Variants in KIF13B observed in about 807,000 individuals in gnomAD.
KIF13B encodes kinesin-like protein KIF13B.
A neutral mutation model predicts 222.0 loss-of-function variants in KIF13B; 127 were observed. That is an observed-to-expected ratio of 0.57 (90% CI 0.50 to 0.66). The LOEUF (loss-of-function observed/expected upper bound fraction) is 0.66. Ranked by LOEUF, KIF13B falls within the 30% of genes least tolerant of loss-of-function variation. The probability of loss-of-function intolerance (pLI) is 0.00; values close to 1 mark genes in which losing one functional copy is unlikely to be tolerated. For missense variants in KIF13B, 2,173 were observed against 2,379.0 expected (o/e 0.91, Z 1.80); for synonymous variants, 976 against 919.0 (o/e 1.06, Z -1.12).
At chr8:29,123,014 CA>C (rs1809945079) in intron 28 of KIF13B, among the ~76,000 whole-genome samples, 2 of 152,166 alleles carry the variant, frequency 1.3e-5, no homozygotes, top group African/African-American at 4.8e-5. Flanking sequence ...GCACCAAAAC[CA>C]AAATCGCGTG....
intron 37 of KIF13B, among the ~76,000 whole-genome samples, chr8:29,079,142 A>C (rs1303371197): frequency 2.0e-5 from 3 of 152,226 alleles, no homozygotes; most frequent in African/African-American, 4.8e-5. Context: ...TAGGCCACTC[A>C]GAATTCCCTC....
chr8:29,171,188 A>AAG (rs1162502850), intron 10 of KIF13B, among the ~76,000 whole-genome samples: 2 of 152,242 alleles, frequency 1.3e-5, no homozygotes, highest in Admixed American at 1.3e-4. Flanking sequence ...ACTTCACGTT[A>AAG]AGAGGCCCAC....
At chr8:29,117,501 C>T (rs1394318964) in intron 30 of KIF13B, among the ~76,000 whole-genome samples, 1 of 152,216 alleles carries the variant, frequency 6.6e-6, no homozygotes, top group Admixed American at 6.5e-5. Context: ...GAACCACACA[C>T]TGCCTTTAGT....
At chr8:29,103,370 C>G (rs747275497) in intron 35 of KIF13B, among the ~76,000 whole-genome samples, 1 of 152,058 alleles carries the variant, frequency 6.6e-6, no homozygotes, top group Non-Finnish European at 1.5e-5. Flanking sequence ...AACGACACGC[C>G]GAAATTCATC....
intron 2 of KIF13B, among the ~76,000 whole-genome samples, chr8:29,200,243 T>A (rs189227850): frequency 1.3e-3 from 194 of 152,232 alleles, no homozygotes; most frequent in African/African-American, 3.5e-3. Flanking sequence ...ATAAATAAAT[T>A]AATTAATTAA....
At chr8:29,078,249 A>AGT (rs1212778225) in intron 37 of KIF13B, among the ~76,000 whole-genome samples, 1 of 150,500 alleles carries the variant, frequency 6.6e-6, no homozygotes, top group Admixed American at 6.6e-5. Flanking sequence ...GAGCCAAGAT[A>AGT]GTGCCATTGC....
In KIF13B at chr8:29,160,858, T is replaced by A. The variant is rs1328983825; in HGVS notation, c.1279A>T (p.Lys427Ter). 6.2e-7 allele frequency: 1 copy of A among 1,613,302 alleles called. No individual in the cohort carries two copies. The highest frequency in any genetic ancestry group is 1.3e-5 in the African/African-American group (1 of 74,908). The change falls in exon 13 of 40, where the codon AAA (lysine) becomes TAA (stop). Residue 427 changes from lysine (K) to a stop codon, truncating the protein, a stop_gained. Coordinates refer to ENST00000524189, the MANE Select transcript of KIF13B (RefSeq NM_015254.4). LOFTEE classifies it high-confidence loss of function. Reference protein sequence around the residue: ...KTEEIAQERQKQLESLGISLQ... With the variant: ...KTEEIAQERQ The stretch of plus-strand genomic sequence containing the variant: ...GATATTCCAAGACTCTCAAGCTGTT[T>A]CTGTCGTTCCTGTAAATGTTATCAG...
rs765257864 is a variant in KIF13B, at chr8:29,142,140, T to G, written c.2334+17A>C. On this transcript the variant is annotated intron_variant, in intron 19 of 39. Transcript: ENST00000524189. ...TCCATAATTACCAATTAAGTGATTT[T>G]CTCTTAAATAACTTACTGGGTTATC... The G allele has an allele frequency of 1.2e-6, 2 of 1,604,366 alleles. No homozygotes were observed. The highest frequency in any genetic ancestry group is 3.3e-5 in the Admixed American group (2 of 59,864).
chr8:29,097,630 C>G (rs1309952747), intron 36 of KIF13B, among the ~76,000 whole-genome samples: 1 of 151,860 alleles, frequency 6.6e-6, no homozygotes, highest in Non-Finnish European at 1.5e-5. Context: ...AGTCATGGAT[C>G]AAAGAAGCAA....
At chr8:29,210,988 G>C (rs901343272) in intron 2 of KIF13B, among the ~76,000 whole-genome samples, 1 of 152,212 alleles carries the variant, frequency 6.6e-6, no homozygotes, top group Non-Finnish European at 1.5e-5. Flanking sequence ...AGAGGGAGTG[G>C]GGGCTAAAGA....
intron 13 of KIF13B, among the ~76,000 whole-genome samples, chr8:29,158,321 C>A (rs555690204): frequency 6.6e-6 from 1 of 152,094 alleles, no homozygotes; most frequent in Non-Finnish European, 1.5e-5. Flanking sequence ...AATAAATGCA[C>A]AATCATTTCC....
At chr8:29,165,891 G>A (rs1586868485) in intron 11 of KIF13B, 119 bp from the exon 12 acceptor site, 2 of 112,608 alleles carry the variant, frequency 1.8e-5, no homozygotes, top group East Asian at 1.3e-4. Context: ...TCACGCTGAG[G>A]TCTGACATCT....
rs10579222 is a variant in KIF13B, at chr8:29,199,574, C to CA, written c.150-3376dup. On this transcript the variant is annotated intron_variant, in intron 2 of 39. Transcript: ENST00000524189. ...GCCCTTATGCAAATATTCCAAAATC[C>CA]AAAAAAAAAAAAAAAAAAAAAGAAA... 1.2e-3 allele frequency among the ~76,000 whole-genome samples: 146 copies of CA among 119,432 alleles called. 1 individual carries two copies. The East Asian group carries it at 0.014, about 11-fold the overall frequency. The allele number at this position is 119,432 out of a possible 152,430, so 78.4% of individuals were successfully genotyped here. A position where few individuals can be genotyped will look rare whatever the true frequency, so the allele number is the denominator to read the frequency against.
intron 29 of KIF13B, among the ~76,000 whole-genome samples, chr8:29,119,714 A>G (rs1426344885): frequency 6.6e-6 from 1 of 152,176 alleles, no homozygotes; most frequent in Non-Finnish European, 1.5e-5. Context: ...AATCACCCTC[A>G]GGCGCCAAGT....
At position 29,140,144 on chromosome 8, in the gene KIF13B, A is replaced by T. The variant is rs1296795412; in HGVS notation, c.2532T>A (p.Val844=). Reference sequence around the variant, plus strand: ...CATCGCCTCCTGCGATCCTCTCCCCAACATCACCACTGAGTCGCATCACCT... The same window carrying T: ...CATCGCCTCCTGCGATCCTCTCCCCTACATCACCACTGAGTCGCATCACCT... The part of the protein sequence containing the change: ...HVEVMRLSGD[V]GERIAGGDEV... Residue 844 remains valine (V), a synonymous_variant, in exon 21 of 40, where the codon GTT becomes GTA. Coordinates refer to ENST00000524189, the MANE Select transcript of KIF13B (RefSeq NM_015254.4). The T allele has an allele frequency of 4.3e-6, 7 of 1,613,678 alleles. No individual in the cohort carries two copies. Among genetic ancestry groups the T allele is most frequent in the Non-Finnish European group, 5.9e-6 (7 of 1,179,832 alleles).
At chr8:29,161,860 G>C (rs1286367105) in intron 12 of KIF13B, among the ~76,000 whole-genome samples, 1 of 152,146 alleles carries the variant, frequency 6.6e-6, no homozygotes, top group Non-Finnish European at 1.5e-5. Flanking sequence ...ACTGTGTGCT[G>C]TGTGGGTATG....
chr8:29,086,264 A>G (rs533802331), intron 37 of KIF13B, among the ~76,000 whole-genome samples: 2 of 152,328 alleles, frequency 1.3e-5, no homozygotes, highest in Non-Finnish European at 2.9e-5. Flanking sequence ...TTTCTGCATT[A>G]TTACAACTGT....
intron 6 of KIF13B, among the ~76,000 whole-genome samples, chr8:29,183,306 C>T (rs1365516330): frequency 6.6e-6 from 1 of 151,920 alleles, no homozygotes; most frequent in Non-Finnish European, 1.5e-5. Context: ...TGTGCATCAC[C>T]ACACCCAGCT....
chr8:29,120,213 T>G, intron 29 of KIF13B, among the ~76,000 whole-genome samples: 1 of 133,476 alleles, frequency 7.5e-6, no homozygotes, highest in South Asian at 2.6e-4. Context: ...AGTTTTAGGG[T>G]ACATGTGCAC....
Sources: allele counts gnomAD v4.1 joint callset (sites outside exome capture counted in the v4.1 genomes callset), GRCh38; gene constraint gnomAD v4.1.1; transcripts MANE v1.5; gene names NCBI Gene and HGNC (gene_info 2026-07-23, HGNC 2026-07-21).